Variants in SLC35F4 observed in about 807,000 individuals in gnomAD.
SLC35F4 encodes the protein chromosome 14 open reading frame 36.
In SLC35F4, 24 loss-of-function variants were observed where a neutral mutation model predicts 44.2. The ratio of observed to expected loss-of-function variants is 0.54; its 90% CI spans 0.39 to 0.76. SLC35F4 has a LOEUF of 0.76. Among genes scored for constraint, SLC35F4 ranks in the 30% least tolerant of loss-of-function variants. The pLI, the probability that SLC35F4 is intolerant of heterozygous loss-of-function variation, is 0.00. For synonymous variants in SLC35F4, 238 were observed against 223.6 expected, an observed-to-expected ratio of 1.06 and a Z score of -0.57; for missense variants, 562 against 586.1, an observed-to-expected ratio of 0.96 and a Z score of 0.42.
intron 1 of SLC35F4, among the ~76,000 whole-genome samples, chr14:57,700,179 C>T (rs1047864296): frequency 1.3e-5 from 2 of 152,164 alleles, no homozygotes; most frequent in Non-Finnish European, 2.9e-5. Context: ...CATACCTAGG[C>T]TATATGGTAT....
Position 57,626,080 on chromosome 14 carries a change from C to T in SLC35F4, c.104-31956G>A, listed in dbSNP as rs2072461609. 2.0e-5 allele frequency among the ~76,000 whole-genome samples: 3 copies of T among 147,974 alleles called. No homozygotes were observed. The South Asian group carries it at 6.8e-4, about 33-fold the overall frequency. On this transcript the variant is annotated intron_variant, in intron 1 of 7. Transcript: ENST00000556826. The stretch of plus-strand genomic sequence containing the variant: ...AGCAAACTAACACAAGAACAGAAAA[C>T]CAAACACCTCATGTTTTCACTCATA...
intron 1 of SLC35F4, among the ~76,000 whole-genome samples, chr14:57,832,772 T>TA (rs5808944): frequency 0.49 from 74,518 of 152,020 alleles, 20,851 homozygotes; most frequent in African/African-American, 0.76. Context: ...ACATTTCTGA[T>TA]GCAGTAAACA....
intron 1 of SLC35F4, among the ~76,000 whole-genome samples, chr14:57,786,448 C>T (rs1443469954): frequency 6.6e-6 from 1 of 152,210 alleles, no homozygotes; most frequent in East Asian, 1.9e-4. Flanking sequence ...CACCTCCTCA[C>T]AGGAGGCCAA....
intron 1 of SLC35F4, among the ~76,000 whole-genome samples, chr14:57,916,758 C>T (rs1222514555): frequency 6.6e-6 from 1 of 152,114 alleles, no homozygotes; most frequent in Non-Finnish European, 1.5e-5. Flanking sequence ...TATCCCAAAC[C>T]TTAGCATCAT....
chr14:57,932,175 T>C (rs551136238), intron 1 of SLC35F4, among the ~76,000 whole-genome samples: 23 of 152,316 alleles, frequency 1.5e-4, no homozygotes, highest in Middle Eastern at 3.4e-3. Flanking sequence ...TGCTAGAGTT[T>C]AGTGAGGTTA....
chr14:57,589,105 T>G, intron 3 of SLC35F4, 111 bp downstream of exon 3: 2 of 1,200,580 alleles, frequency 1.7e-6, no homozygotes, highest in Non-Finnish European at 2.3e-6. Context: ...TTAGATCTTG[T>G]TTCTTCACAT....
intron 3 of SLC35F4, among the ~76,000 whole-genome samples, chr14:57,587,635 TAGGGG>T (rs374308325): frequency 6.6e-6 from 1 of 152,046 alleles, no homozygotes; most frequent in African/African-American, 2.4e-5. Flanking sequence ...GGTGGCGGAC[TAGGGG>T]AGGGATAGCA....
intron 1 of SLC35F4, among the ~76,000 whole-genome samples, chr14:57,787,904 T>C (rs1951005): frequency 0.54 from 82,080 of 152,032 alleles, 26,025 homozygotes; most frequent in African/African-American, 0.86. Flanking sequence ...TGGATGAATG[T>C]GATGGTACCT....
At chr14:57,763,883 T>G (rs564681983) in intron 1 of SLC35F4, among the ~76,000 whole-genome samples, 1 of 152,186 alleles carries the variant, frequency 6.6e-6, no homozygotes, top group Admixed American at 6.5e-5. Flanking sequence ...AACCTACCCA[T>G]TAAACCTCAG....
At chr14:57,957,023 A>G (rs561854848) in intron 1 of SLC35F4, among the ~76,000 whole-genome samples, 2 of 152,348 alleles carry the variant, frequency 1.3e-5, no homozygotes, top group African/African-American at 4.8e-5. Context: ...CACAATAGCT[A>G]AGACTTGGAA....
rs148212349 is a variant in SLC35F4 at position 57,953,159 on chromosome 14, C to T, written n.282+28754G>A. The stretch of plus-strand genomic sequence containing the variant: ...CAACATTCTTAAAGAAAGTAATTTT[C>T]AACCCAGAATATCCAGACAACTAAG... On this transcript the variant is annotated intron_variant and non_coding_transcript_variant, in intron 1 of 1. Coordinates refer to the SLC35F4 transcript ENST00000556568. Among the ~76,000 whole-genome samples the T allele has an allele frequency of 3.4e-3, 518 of 152,248 alleles. 3 individuals carry two copies. The highest frequency in any genetic ancestry group is 0.012 in the African/African-American group (496 of 41,562).
intron 1 of SLC35F4, 125 bp downstream of exon 1, chr14:57,865,598 T>G: frequency 1.4e-6 from 1 of 700,674 alleles, no homozygotes; most frequent in South Asian, 2.1e-5. Flanking sequence ...AGGAAGGCGG[T>G]GTTGACAGCG....
In SLC35F4 at chr14:57,858,933, T is replaced by A. The variant is rs868100840; in HGVS notation, c.103+6790A>T. Among the ~76,000 whole-genome samples, 51 of 118,440 alleles carry A rather than the reference T, an allele frequency of 4.3e-4. No homozygotes were observed. In the South Asian group the frequency reaches 0.011, roughly 26 times the overall value. The allele number at this position is 118,440 out of a possible 152,430, so 77.7% of individuals were successfully genotyped here. A position where few individuals can be genotyped will look rare whatever the true frequency, so the allele number is the denominator to read the frequency against. On this transcript the variant is annotated intron_variant, in intron 1 of 7. Coordinates refer to ENST00000556826, the MANE Select transcript of SLC35F4 (RefSeq NM_001306087.2). Reference sequence around the variant, plus strand: ...GGGCAACATAGCAAAACCTGATCTCTAAAAAAAAAAAAAAAAAATTAATTA... The same window carrying A: ...GGGCAACATAGCAAAACCTGATCTCAAAAAAAAAAAAAAAAAAATTAATTA...
At chr14:57,717,379 G>A (rs1092045) in intron 1 of SLC35F4, among the ~76,000 whole-genome samples, 73,552 of 151,958 alleles carry the variant, frequency 0.48, 18,288 homozygotes, top group Non-Finnish European at 0.54. Flanking sequence ...GCTCACCCCT[G>A]TAATCCCAGC....
intron 1 of SLC35F4, among the ~76,000 whole-genome samples, chr14:57,794,667 GT>G (rs2140824318): frequency 6.6e-6 from 1 of 152,112 alleles, no homozygotes; most frequent in Admixed American, 6.6e-5. Flanking sequence ...CATGCTTTGG[GT>G]TTGAACTTCT....
At chr14:57,575,789 A>T (rs2068752560) in intron 4 of SLC35F4, among the ~76,000 whole-genome samples, 1 of 152,120 alleles carries the variant, frequency 6.6e-6, no homozygotes, top group Non-Finnish European at 1.5e-5. Context: ...AGCCAATCAG[A>T]AGGGATCCGT....
chr14:57,593,395 G>A (rs772636733), intron 2 of SLC35F4, among the ~76,000 whole-genome samples: 10 of 152,202 alleles, frequency 6.6e-5, no homozygotes, highest in East Asian at 5.8e-4. Flanking sequence ...AGGAGTTGGC[G>A]AGTGGTCAGG....
intron 1 of SLC35F4, among the ~76,000 whole-genome samples, chr14:57,793,172 G>T (rs563356030): frequency 6.6e-6 from 1 of 151,990 alleles, no homozygotes; most frequent in South Asian, 2.1e-4. Flanking sequence ...GAATGCAAAA[G>T]AATTAATAGT....
chr14:57,691,248 A>C (rs1441245989), intron 1 of SLC35F4, among the ~76,000 whole-genome samples: 3 of 152,200 alleles, frequency 2.0e-5, no homozygotes, highest in Admixed American at 2.0e-4. Context: ...TGGGTAACAT[A>C]GCAAACCAAC....
Sources: gnomAD v4.1 joint callset for allele counts (sites outside exome capture counted in the v4.1 genomes callset) on GRCh38, gnomAD v4.1.1 for gene constraint, MANE v1.5 for transcripts, NCBI Gene and HGNC (gene_info 2026-07-23, HGNC 2026-07-21) for gene names.